CDON: variants seen among roughly 807,000 people sequenced by gnomAD.
CDON encodes the protein cell adhesion associated, oncogene regulated.
A neutral mutation model predicts 120.9 loss-of-function variants in CDON; 73 were observed. The ratio of observed to expected loss-of-function variants is 0.60; its 90% CI spans 0.50 to 0.73. The LOEUF (loss-of-function observed/expected upper bound fraction) is 0.73, where lower values mean the gene tolerates loss of function less well. Among genes scored for constraint, CDON ranks in the 30% least tolerant of loss-of-function variants. CDON has a pLI of 0.00. For synonymous variants in CDON, 566 were observed against 573.5 expected (o/e 0.99, Z 0.19); for missense variants, 1,470 against 1,587.3 (o/e 0.93, Z 1.26).
At position 126,024,001 on chromosome 11, in the gene CDON, G is replaced by C. The variant is rs546403143; in HGVS notation, c.-61-464C>G. 2.6e-5 allele frequency among the ~76,000 whole-genome samples: 4 copies of C among 152,310 alleles called. No individual in the cohort carries two copies. The East Asian group carries it at 7.7e-4, about 29-fold the overall frequency. ...TTTAATCTTCACAACAACCCTGTGA[G>C]ACAGGTACTACTGGTTTTTGTCCCT... On this transcript the variant is annotated intron_variant, in intron 1 of 19. Coordinates refer to ENST00000531738, the MANE Select transcript of CDON (RefSeq NM_001378964.1).
chr11:126,013,014 C>T (rs1947351248), intron 7 of CDON, among the ~76,000 whole-genome samples: 1 of 152,160 alleles, frequency 6.6e-6, no homozygotes, highest in South Asian at 2.1e-4. Context: ...CCTTGTTAGA[C>T]ACTCCTTATT....
At chr11:126,027,031 T>C (rs1947809794) in intron 1 of CDON, among the ~76,000 whole-genome samples, 1 of 152,222 alleles carries the variant, frequency 6.6e-6, no homozygotes, top group Admixed American at 6.5e-5. Context: ...ACCTAAATAT[T>C]ATCACACAGG....
At chr11:125,975,945 A>G (rs1946138709) in intron 18 of CDON, among the ~76,000 whole-genome samples, 2 of 152,186 alleles carry the variant, frequency 1.3e-5, no homozygotes, top group African/African-American at 4.8e-5. Context: ...TATGAGGCCC[A>G]CTTGATAGCC....
chr11:126,050,409 T>A (rs1487639919), intron 1 of CDON, among the ~76,000 whole-genome samples: 1 of 151,988 alleles, frequency 6.6e-6, no homozygotes, highest in South Asian at 2.1e-4. Context: ...AAAACTTTTA[T>A]ATGATATCAA....
rs1475867230 is a variant in CDON at position 125,960,952 on chromosome 11, C to T, written c.3785G>A (p.Arg1262Gln). The T allele has an allele frequency of 3.1e-6, 5 of 1,614,118 alleles. No individual in the cohort carries two copies. The highest frequency in any genetic ancestry group is 3.4e-6 in the Non-Finnish European group (4 of 1,180,028). Reference sequence around the variant, plus strand: ...GTTGTTTGCATGTCCTCAGGTTTCCCGGGGCTGCTGAAGGACCTCTGTCGG... The same window carrying T: ...GTTGTTTGCATGTCCTCAGGTTTCCTGGGGCTGCTGAAGGACCTCTGTCGG... The part of the protein sequence containing the change: ...DSPTEVLQQP[R>Q]ET Residue 1262 changes from arginine to glutamine, a missense_variant, in exon 20 of 20, where the codon CGG becomes CAG. Arg to Gln is a conservative substitution (Grantham distance 43). Coordinates refer to ENST00000531738, the MANE Select transcript of CDON (RefSeq NM_001378964.1).
intron 14 of CDON, among the ~76,000 whole-genome samples, chr11:125,993,950 A>T (rs188707030): frequency 6.6e-6 from 1 of 152,346 alleles, no homozygotes; most frequent in East Asian, 1.9e-4. Context: ...GAGTGAGATA[A>T]TATTTTTTTA....
intron 15 of CDON, among the ~76,000 whole-genome samples, chr11:125,987,881 G>A (rs1946514548): frequency 6.6e-6 from 1 of 152,232 alleles, no homozygotes; most frequent in Non-Finnish European, 1.5e-5. Context: ...GGCTTAAGAT[G>A]TGAGTATTGC....
At chr11:126,032,292 G>A (rs1003887395) in intron 1 of CDON, among the ~76,000 whole-genome samples, 1 of 151,924 alleles carries the variant, frequency 6.6e-6, no homozygotes, top group Non-Finnish European at 1.5e-5. Flanking sequence ...GATACGTTTG[G>A]GGGATGGAGT....
intron 1 of CDON, among the ~76,000 whole-genome samples, chr11:126,059,341 T>C (rs904267471): frequency 6.6e-6 from 1 of 152,238 alleles, no homozygotes; most frequent in Non-Finnish European, 1.5e-5. Context: ...ACTGTAGTCC[T>C]GCTTGTAATA....
At chr11:126,025,381 C>T (rs1218674036) in intron 1 of CDON, among the ~76,000 whole-genome samples, 4 of 151,886 alleles carry the variant, frequency 2.6e-5, no homozygotes, top group South Asian at 2.1e-4. Flanking sequence ...AAGACAAAAG[C>T]GTGATGGTAG....
chr11:125,979,009 G>A (rs76526512), intron 17 of CDON, among the ~76,000 whole-genome samples: 4,093 of 152,266 alleles, frequency 0.027, 68 homozygotes, highest in East Asian at 0.048. Flanking sequence ...TAAGAAAAAT[G>A]CCCAGATTAA....
At chr11:125,993,740 C>T (rs530791675) in intron 14 of CDON, among the ~76,000 whole-genome samples, 2 of 152,294 alleles carry the variant, frequency 1.3e-5, no homozygotes, top group South Asian at 4.1e-4. Context: ...AGGCAGGGGC[C>T]AGCCAGGTCA....
intron 8 of CDON, among the ~76,000 whole-genome samples, chr11:126,007,941 T>TAGAA (rs1248433762): frequency 6.6e-6 from 1 of 152,124 alleles, no homozygotes; most frequent in Non-Finnish European, 1.5e-5. Context: ...TCTTTTAAGG[T>TAGAA]AGAATGTTTT....
chr11:126,036,832 G>A (rs1948109774), intron 1 of CDON, among the ~76,000 whole-genome samples: 1 of 152,134 alleles, frequency 6.6e-6, no homozygotes, highest in Non-Finnish European at 1.5e-5. Context: ...GGCACCACAG[G>A]CGCAAGCCAT....
chr11:125,985,754 A>C (rs1295885164), intron 15 of CDON, among the ~76,000 whole-genome samples: 1 of 152,170 alleles, frequency 6.6e-6, no homozygotes, highest in African/African-American at 2.4e-5. Context: ...TGCAAATCAA[A>C]ACCACAATGA....
At chr11:126,029,916 T>C (rs767631243) in intron 1 of CDON, among the ~76,000 whole-genome samples, 4 of 152,176 alleles carry the variant, frequency 2.6e-5, no homozygotes, top group African/African-American at 4.8e-5. Flanking sequence ...TGCAGCTAAG[T>C]GTAGTAAAAC....
chr11:126,049,562 C>T (rs925770372), intron 1 of CDON, among the ~76,000 whole-genome samples: 6 of 151,836 alleles, frequency 4.0e-5, no homozygotes, highest in African/African-American at 1.5e-4. Flanking sequence ...TAAACTATCC[C>T]ATTAAACAGT....
chr11:126,013,163 A>AT (rs1947355101), intron 7 of CDON, among the ~76,000 whole-genome samples: 1 of 152,140 alleles, frequency 6.6e-6, no homozygotes, highest in African/African-American at 2.4e-5. Context: ...GACACTCTAC[A>AT]TTTTCAAGTG....
rs962996526 is a variant in CDON, at chr11:125,995,822, C to T, written c.2363-770G>A. On this transcript the variant is annotated intron_variant, in intron 12 of 19. Coordinates refer to ENST00000531738, the MANE Select transcript of CDON (RefSeq NM_001378964.1). ...ACTATACCTACATGATCCTATGCTG[C>T]GCATGTTGCTTGTTTTGACAGCCAC... Among the ~76,000 whole-genome samples the T allele has an allele frequency of 4.6e-5, 7 of 152,270 alleles. No individual in the cohort carries two copies. The East Asian group carries it at 9.6e-4, about 21-fold the overall frequency.
Sources: gnomAD v4.1 joint callset for allele counts (sites outside exome capture counted in the v4.1 genomes callset) on GRCh38, gnomAD v4.1.1 for gene constraint, MANE v1.5 for transcripts, NCBI Gene and HGNC (gene_info 2026-07-23, HGNC 2026-07-21) for gene names.